The following ATF7IP2 variants were observed in gnomAD, a reference collection of about 807,000 sequenced individuals.
ATF7IP2 encodes the protein activating transcription factor 7-interacting protein 2.
Under a neutral mutation model 64.2 loss-of-function variants are expected in ATF7IP2, and 42 were observed. The ratio of observed to expected loss-of-function variants is 0.65; its 90% CI spans 0.51 to 0.85. The LOEUF (loss-of-function observed/expected upper bound fraction) is 0.85. Ranked by LOEUF, ATF7IP2 falls within the 40% of genes least tolerant of loss-of-function variation. The pLI is 0.00. For synonymous variants in ATF7IP2, 308 were observed against 272.8 expected, an observed-to-expected ratio of 1.13 and a Z score of -1.27; for missense variants, 933 against 784.2, an observed-to-expected ratio of 1.19 and a Z score of -2.27.
At chr16:10,468,956 A>G (rs2049685415) in intron 9 of ATF7IP2, among the ~76,000 whole-genome samples, 1 of 152,228 alleles carries the variant, frequency 6.6e-6, no homozygotes. Context: ...CAAAGAATCT[A>G]TACACAGAAA....
chr16:10,463,748 T>C (rs1422396679), intron 9 of ATF7IP2, among the ~76,000 whole-genome samples: 1 of 152,224 alleles, frequency 6.6e-6, no homozygotes, highest in Non-Finnish European at 1.5e-5. Context: ...GCCATTATGT[T>C]TTGGGGTAAA....
At chr16:10,416,626 C>T (rs2047885472) in intron 2 of ATF7IP2, among the ~76,000 whole-genome samples, 1 of 152,142 alleles carries the variant, frequency 6.6e-6, no homozygotes, top group Non-Finnish European at 1.5e-5. Context: ...AACTGCCTCT[C>T]TACTAAAAAA....
chr16:10,390,122 G>T (rs2047292374), intron 1 of ATF7IP2, among the ~76,000 whole-genome samples: 1 of 151,944 alleles, frequency 6.6e-6, no homozygotes, highest in African/African-American at 2.4e-5. Context: ...AATGAGAATT[G>T]TTCTTATTAA....
intron 1 of ATF7IP2, among the ~76,000 whole-genome samples, chr16:10,394,167 G>T (rs917443462): frequency 6.6e-6 from 1 of 152,166 alleles, no homozygotes; most frequent in African/African-American, 2.4e-5. Flanking sequence ...TGGATTCAAA[G>T]ATGCAAATAG....
intron 2 of ATF7IP2, among the ~76,000 whole-genome samples, chr16:10,418,459 C>T (rs1044958218): frequency 5.3e-5 from 8 of 152,180 alleles, no homozygotes; most frequent in Admixed American, 1.3e-4. Flanking sequence ...GAAGCAAAGG[C>T]GGCTTTATCA....
chr16:10,474,467 C>T (rs2049930064), intron 12 of ATF7IP2, among the ~76,000 whole-genome samples: 1 of 152,102 alleles, frequency 6.6e-6, no homozygotes, highest in Non-Finnish European at 1.5e-5. Context: ...TCCTGTGGTA[C>T]ATACTTTTTT....
chr16:10,433,617 A>C lies in ATF7IP2; in HGVS notation c.928A>C (p.Ser310Arg). 2 of 1,613,966 alleles carry C rather than the reference A, an allele frequency of 1.2e-6. No individual in the cohort carries two copies. The highest frequency in any genetic ancestry group is 1.7e-6 in the Non-Finnish European group (2 of 1,179,886). ...GCAAATTAATGAAAATATTTGTGTA[A>C]GTTTGGAAAGGCAAACAGCATTCCT... ...SEQINENICV[S>R]LERQTAFLEQ... The change falls in exon 6 of 14, where the codon AGT becomes CGT. Residue 310 changes from serine (S) to arginine (R), a missense_variant. By Grantham distance (110) the Ser-to-Arg change is moderately radical. Coordinates refer to ENST00000562102, the MANE Select transcript of ATF7IP2 (RefSeq NM_001393719.1).
intron 8 of ATF7IP2, chr16:10,446,206 G>C (rs956244800): frequency 6.6e-6 from 1 of 152,122 alleles, no homozygotes; most frequent in Non-Finnish European, 1.5e-5. Context: ...ACTTTTGTAT[G>C]GTAATTAATT....
intron 1 of ATF7IP2, chr16:10,386,742 G>C (rs1290094521): frequency 6.6e-6 from 1 of 152,168 alleles, no homozygotes; most frequent in Non-Finnish European, 1.5e-5. Flanking sequence ...ATTTCCTTAA[G>C]GTAGAAGTTC....
intron 12 of ATF7IP2, among the ~76,000 whole-genome samples, chr16:10,474,904 C>T (rs2049946437): frequency 6.6e-6 from 1 of 152,146 alleles, no homozygotes; most frequent in Non-Finnish European, 1.5e-5. Flanking sequence ...AATTCTTTAT[C>T]TAGAAAATAT....
At chr16:10,445,483 A>T (rs557707666) in intron 8 of ATF7IP2, 2 of 151,976 alleles carry the variant, frequency 1.3e-5, no homozygotes, top group African/African-American at 4.8e-5. Flanking sequence ...ATAGCTATTT[A>T]TTCTGGCAGC....
intron 12 of ATF7IP2, among the ~76,000 whole-genome samples, chr16:10,476,624 G>C (rs2050019555): frequency 6.6e-6 from 1 of 152,030 alleles, no homozygotes; most frequent in African/African-American, 2.4e-5. Context: ...AGCCTGGCAT[G>C]CATTAACTAT....
At chr16:10,405,407 C>T (rs890633660) in intron 1 of ATF7IP2, among the ~76,000 whole-genome samples, 2 of 151,954 alleles carry the variant, frequency 1.3e-5, no homozygotes, top group African/African-American at 4.8e-5. Flanking sequence ...ATCGTGAAGA[C>T]ACCTGGAAGG....
In ATF7IP2 at chr16:10,438,086, A is replaced by C; in HGVS notation, c.961-15A>C. The C allele has an allele frequency of 6.6e-7, 1 of 1,521,744 alleles. No homozygotes were observed. The highest frequency in any genetic ancestry group is 8.8e-7 in the Non-Finnish European group (1 of 1,140,230). 94.3% of individuals were successfully genotyped at this position (1,521,744 alleles called of 1,614,324 possible). On this transcript the variant is annotated splice_polypyrimidine_tract_variant and intron_variant, in intron 6 of 13. Coordinates refer to ENST00000562102, the MANE Select transcript of ATF7IP2 (RefSeq NM_001393719.1). ...TGAAACGTAGGGTGTTTTGGTTTTTATTTTAAAATTCTAGGTCAGACATTT... is the reference window on the plus strand; with the variant it reads ...TGAAACGTAGGGTGTTTTGGTTTTTCTTTTAAAATTCTAGGTCAGACATTT...
At chr16:10,418,304 A>G (rs986354405) in intron 2 of ATF7IP2, among the ~76,000 whole-genome samples, 3 of 152,048 alleles carry the variant, frequency 2.0e-5, no homozygotes, top group East Asian at 1.9e-4. Context: ...TAAACCAACA[A>G]CCTTCAGCGT....
Position 10,477,823 on chromosome 16 carries a change from A to G in ATF7IP2, c.1550-3056A>G, listed in dbSNP as rs1267038545. On this transcript the variant is annotated intron_variant, in intron 12 of 13. Coordinates refer to ENST00000562102, the MANE Select transcript of ATF7IP2 (RefSeq NM_001393719.1). ...AGCAAAGTCTCAGGATACAAAATCAATGTACAAAAATCACAAGCATACTTA... is the reference window on the plus strand; with the variant it reads ...AGCAAAGTCTCAGGATACAAAATCAGTGTACAAAAATCACAAGCATACTTA... Among the ~76,000 whole-genome samples the G allele has an allele frequency of 7.9e-5, 12 of 152,256 alleles. 1 individual carries two copies. Among genetic ancestry groups the G allele is most frequent in the Admixed American group, 5.9e-4 (9 of 15,290 alleles).
At chr16:10,407,378 C>T (rs1458102410) in intron 1 of ATF7IP2, among the ~76,000 whole-genome samples, 1 of 152,140 alleles carries the variant, frequency 6.6e-6, no homozygotes, top group African/African-American at 2.4e-5. Context: ...ACTATAAGTC[C>T]TAGCTAGGCG....
intron 8 of ATF7IP2, chr16:10,449,755 G>C (rs2048926464): frequency 6.6e-6 from 1 of 152,030 alleles, no homozygotes; most frequent in Non-Finnish European, 1.5e-5. Context: ...AAGAAAACCA[G>C]CTCCTGGATT....
intron 1 of ATF7IP2, among the ~76,000 whole-genome samples, chr16:10,413,070 C>G (rs2047803057): frequency 1.3e-5 from 2 of 152,120 alleles, no homozygotes; most frequent in African/African-American, 2.4e-5. Flanking sequence ...TTAGGTGAGT[C>G]TCTTCAAGGC....
Sources: allele counts gnomAD v4.1 joint callset (sites outside exome capture counted in the v4.1 genomes callset), GRCh38; gene constraint gnomAD v4.1.1; transcripts MANE v1.5; gene names NCBI Gene and HGNC (gene_info 2026-07-23, HGNC 2026-07-21).